GRM7: variants seen among roughly 807,000 people sequenced by gnomAD.
GRM7 encodes glutamate metabotropic receptor 7.
In GRM7, 35 loss-of-function variants were observed where a neutral mutation model predicts 84.5. That is an observed-to-expected ratio of 0.41 (90% confidence interval 0.32 to 0.55). The LOEUF is 0.55. Ranked by LOEUF, GRM7 falls within the 20% of genes least tolerant of loss-of-function variation. The pLI is 0.19. For synonymous variants in GRM7, 487 were observed against 455.1 expected, an observed-to-expected ratio of 1.07 and a Z score of -0.89; for missense variants, 1,003 against 1,194.6, an observed-to-expected ratio of 0.84 and a Z score of 2.36.
chr3:7,270,964 C>A (rs1233506022), intron 2 of GRM7, among the ~76,000 whole-genome samples: 1 of 152,142 alleles, frequency 6.6e-6, no homozygotes, highest in Non-Finnish European at 1.5e-5. Flanking sequence ...AACTAGCTGC[C>A]TTGAAGTAAT....
intron 7 of GRM7, among the ~76,000 whole-genome samples, chr3:7,560,975 T>A (rs1194416123): frequency 6.6e-6 from 1 of 152,184 alleles, no homozygotes; most frequent in African/African-American, 2.4e-5. Flanking sequence ...ACTGCATAGA[T>A]GGCAGATAGC....
At chr3:7,714,736 A>C (rs771767368) in intron 9 of GRM7, among the ~76,000 whole-genome samples, 1 of 152,198 alleles carries the variant, frequency 6.6e-6, no homozygotes. Flanking sequence ...TCCTCTGTGG[A>C]TAAATCCTCT....
At chr3:7,456,344 A>G (rs1698007285) in intron 6 of GRM7, among the ~76,000 whole-genome samples, 1 of 151,930 alleles carries the variant, frequency 6.6e-6, no homozygotes, top group African/African-American at 2.4e-5. Flanking sequence ...CATAGGGCTT[A>G]TGTTTATTAA....
chr3:7,674,196 C>CT (rs544007872), intron 8 of GRM7, among the ~76,000 whole-genome samples: 485 of 144,390 alleles, frequency 3.4e-3, no homozygotes, highest in Middle Eastern at 0.014. Flanking sequence ...GAATTTTTTT[C>CT]TTTTTTTTTT....
intron 2 of GRM7, among the ~76,000 whole-genome samples, chr3:7,186,575 C>T (rs17046956): frequency 0.033 from 5,067 of 152,244 alleles, 277 homozygotes; most frequent in African/African-American, 0.11. Flanking sequence ...GATAATTCAA[C>T]TGTGCTGGTT....
rs905045950 is a variant in GRM7 at position 7,114,202 on chromosome 3, T to C, written c.520-32250T>C. ...TTTACTCTAGTGCAGATATGAACAA[T>C]AGCACATACTTACTAGAAGTGGAAC... is the stretch of plus-strand genomic sequence containing the variant. On this transcript the variant is annotated intron_variant, in intron 1 of 9. Transcript: ENST00000357716. Among the ~76,000 whole-genome samples the C allele has an allele frequency of 1.4e-4, 21 of 152,314 alleles. 3 individuals carry two copies. The highest frequency in any genetic ancestry group is 5.9e-4 in the Admixed American group (9 of 15,286).
At position 6,900,879 on chromosome 3, in the gene GRM7, G is replaced by A. The variant is rs556393845; in HGVS notation, c.519+38972G>A. On this transcript the variant is annotated intron_variant, in intron 1 of 9. Transcript: ENST00000357716. ...CTAGCCCTGCAAGCACCAGGCTGTG[G>A]CTATTTTTACAAGATCCAGTGCAAC... Among the ~76,000 whole-genome samples, 6 of 152,260 alleles carry A rather than the reference G, an allele frequency of 3.9e-5. No homozygotes were observed. The South Asian group carries it at 1.2e-3, about 32-fold the overall frequency.
At position 7,578,453 on chromosome 3, in the gene GRM7, G is replaced by A. The variant is rs771845645; in HGVS notation, c.1547G>A (p.Arg516Gln). Residue 516 changes from arginine to glutamine, a missense_variant, in exon 8 of 10, where the codon CGA becomes CAA. Physicochemically the swap from Arg to Gln is conservative, Grantham distance 43. This residue lies in a region of GRM7 where 910 missense variants were observed against 1,126.0 expected (regional missense o/e 0.81). Transcript: ENST00000357716. ...GACATGCAGTGGGGTAAAGGAGTCC[G>A]AGAGATACCCGCCTCAGTGTGCACA... The part of the protein sequence containing the change: ...IEDMQWGKGV[R>Q]EIPASVCTLP... 9.9e-6 allele frequency: 16 copies of A among 1,613,056 alleles called. No individual in the cohort carries two copies. The highest frequency in any genetic ancestry group is 2.2e-5 in the South Asian group (2 of 91,040).
At chr3:7,267,207 C>G (rs528383585) in intron 2 of GRM7, among the ~76,000 whole-genome samples, 2 of 152,222 alleles carry the variant, frequency 1.3e-5, no homozygotes, top group South Asian at 2.1e-4. Context: ...ATCAAAAGCT[C>G]CAAGTAGAAA....
rs568305677 is a variant in GRM7 at position 7,004,620 on chromosome 3, G to A, written c.520-141832G>A. 4.6e-5 allele frequency among the ~76,000 whole-genome samples: 7 copies of A among 152,168 alleles called. No homozygotes were observed. In the South Asian group the frequency reaches 1.2e-3, roughly 27 times the overall value. ...CTTTAACGAGAAACTTCACTCATACGAGTAGGTAATAAAATAATGTAAATC... is the reference window on the plus strand; with the variant it reads ...CTTTAACGAGAAACTTCACTCATACAAGTAGGTAATAAAATAATGTAAATC... On this transcript the variant is annotated intron_variant, in intron 1 of 9. Transcript: ENST00000357716.
At chr3:7,570,597 C>T (rs1298010940) in intron 7 of GRM7, among the ~76,000 whole-genome samples, 2 of 152,206 alleles carry the variant, frequency 1.3e-5, no homozygotes, top group African/African-American at 2.4e-5. Flanking sequence ...TGTGGCTTTG[C>T]AGGGCACAGC....
chr3:6,995,868 A>T (rs1422598995), intron 1 of GRM7, among the ~76,000 whole-genome samples: 2 of 152,182 alleles, frequency 1.3e-5, no homozygotes, highest in Non-Finnish European at 2.9e-5. Flanking sequence ...CCTAATTTTA[A>T]TAGTAATTGA....
intron 9 of GRM7, 48 bp from the exon 10 acceptor site, chr3:7,740,309 G>A: frequency 8.2e-7 from 1 of 1,220,292 alleles, no homozygotes; most frequent in Non-Finnish European, 1.2e-6. Context: ...TTCTACCTTT[G>A]CAAACAGGGT....
intron 2 of GRM7, among the ~76,000 whole-genome samples, chr3:7,248,673 G>A (rs1436973416): frequency 6.6e-6 from 1 of 152,068 alleles, no homozygotes; most frequent in Non-Finnish European, 1.5e-5. Context: ...ATAATAATGT[G>A]GTTTTGAGTT....
intron 7 of GRM7, among the ~76,000 whole-genome samples, chr3:7,500,042 G>A (rs1699835508): frequency 1.3e-5 from 2 of 152,228 alleles, no homozygotes; most frequent in East Asian, 1.9e-4. Context: ...CCAAAGTGCT[G>A]GGATTACAGG....
chr3:7,027,786 G>C (rs191109096), intron 1 of GRM7, among the ~76,000 whole-genome samples: 1 of 151,988 alleles, frequency 6.6e-6, no homozygotes, highest in Non-Finnish European at 1.5e-5. Context: ...TTCAACCATC[G>C]TTCTTTTTCT....
intron 6 of GRM7, among the ~76,000 whole-genome samples, chr3:7,457,203 G>A (rs1698053916): frequency 6.6e-6 from 1 of 152,146 alleles, no homozygotes; most frequent in African/African-American, 2.4e-5. Flanking sequence ...AGATAGCAGA[G>A]TATAATTTAA....
At chr3:6,936,963 T>G (rs535803674) in intron 1 of GRM7, among the ~76,000 whole-genome samples, 151 of 152,330 alleles carry the variant, frequency 9.9e-4, no homozygotes, top group African/African-American at 3.5e-3. Flanking sequence ...TTTGGACATT[T>G]TAGTCAATGG....
At chr3:7,249,093 C>T (rs1274951900) in intron 2 of GRM7, among the ~76,000 whole-genome samples, 1 of 151,900 alleles carries the variant, frequency 6.6e-6, no homozygotes, top group African/African-American at 2.4e-5. Context: ...GTGTAGTGAC[C>T]TTGTTGAATT....
Sources: allele counts gnomAD v4.1 joint callset (sites outside exome capture counted in the v4.1 genomes callset), GRCh38; gene constraint gnomAD v4.1.1; regional missense constraint gnomAD v4.1.1; transcripts MANE v1.5; gene names NCBI Gene and HGNC (gene_info 2026-07-23, HGNC 2026-07-21).